PMFBP1: variants seen among roughly 807,000 people sequenced by gnomAD.
The protein encoded by PMFBP1 is polyamine modulated factor 1 binding protein 1.
PMFBP1 carries 131 observed loss-of-function variants against 137.8 expected under a neutral mutation model. That is an observed-to-expected ratio of 0.95 (90% CI 0.82 to 1.10). The LOEUF (loss-of-function observed/expected upper bound fraction) is 1.10. PMFBP1 is among the 50% of genes least tolerant of loss of function. The pLI is 0.00. For missense variants in PMFBP1, 1,199 were observed against 1,175.4 expected, an observed-to-expected ratio of 1.02 and a Z score of -0.29; for synonymous variants, 490 against 450.4, an observed-to-expected ratio of 1.09 and a Z score of -1.11.
chr16:72,245,815 A>G, the PMFBP1 span, among the ~76,000 whole-genome samples: 3 of 151,760 alleles, frequency 2.0e-5, no homozygotes, highest in Non-Finnish European at 4.4e-5. Context: ...TCTCTCTCCA[A>G]CCATTTCCTT....
At chr16:72,233,703 A>G in the PMFBP1 span, among the ~76,000 whole-genome samples, 19 of 152,120 alleles carry the variant, frequency 1.2e-4, no homozygotes, top group Non-Finnish European at 1.5e-4. Context: ...TATCACCCCT[A>G]AAGAAATCTT....
the PMFBP1 span, among the ~76,000 whole-genome samples, chr16:72,238,937 C>A: frequency 0.018 from 2,792 of 152,020 alleles, 92 homozygotes; most frequent in African/African-American, 0.064. Context: ...TAGGACAGCC[C>A]CTCCTCTGCC....
At chr16:72,182,106 G>A in the PMFBP1 span, among the ~76,000 whole-genome samples, 1 of 152,204 alleles carries the variant, frequency 6.6e-6, no homozygotes, top group African/African-American at 2.4e-5. Context: ...GCTTCTCATG[G>A]AGTCACTTTG....
the PMFBP1 span, among the ~76,000 whole-genome samples, chr16:72,246,713 G>A: frequency 1.3e-5 from 2 of 151,878 alleles, no homozygotes; most frequent in South Asian, 4.2e-4. Context: ...ATGATTGACT[G>A]GTTATTATTC....
At chr16:72,244,965 C>A in the PMFBP1 span, among the ~76,000 whole-genome samples, 2 of 152,132 alleles carry the variant, frequency 1.3e-5, no homozygotes, top group Admixed American at 6.5e-5. Context: ...GTTTTGGGCA[C>A]GCAAGAGAGC....
At chr16:72,133,079 C>T in intron 9 of PMFBP1, 88 bp from the exon 10 acceptor site, 1 of 1,501,166 alleles carries the variant, frequency 6.7e-7, no homozygotes, top group Non-Finnish European at 9.1e-7. Flanking sequence ...CTCATCCAAG[C>T]CACTGGCATC....
chr16:72,169,812 G>A (rs1485656986), intron 2 of PMFBP1, among the ~76,000 whole-genome samples: 1 of 151,984 alleles, frequency 6.6e-6, no homozygotes, highest in Non-Finnish European at 1.5e-5. Context: ...AGATAATTAT[G>A]GCTTTCTTAA....
intron 9 of PMFBP1, among the ~76,000 whole-genome samples, chr16:72,135,290 C>T (rs1438612805): frequency 6.6e-6 from 1 of 152,116 alleles, no homozygotes; most frequent in East Asian, 1.9e-4. Context: ...ATTCTCCTGC[C>T]TCAGCCTCCC....
At chr16:72,189,626 G>T in the PMFBP1 span, among the ~76,000 whole-genome samples, 1 of 152,162 alleles carries the variant, frequency 6.6e-6, no homozygotes, top group African/African-American at 2.4e-5. Flanking sequence ...GTAAGAAGAG[G>T]AAAACCAAGC....
rs191035796 is a variant in PMFBP1, at chr16:72,160,441, G to A, written c.165+4323C>T. Among the ~76,000 whole-genome samples, 453 of 152,192 alleles carry A rather than the reference G, an allele frequency of 3.0e-3. 2 individuals are homozygous for A. Among genetic ancestry groups the A allele is most frequent in the African/African-American group, 0.01 (435 of 41,526 alleles). On this transcript the variant is annotated intron_variant, in intron 3 of 20. Transcript: ENST00000237353. ...GTAATAACACTTGCCAATTCCTTAA[G>A]TACTCTTCGAAGTATGTCATCAGGC...
intron 20 of PMFBP1, 177 bp downstream of exon 20, chr16:72,119,674 G>A (rs1277112553): frequency 2.3e-5 from 33 of 1,452,300 alleles, no homozygotes; most frequent in Non-Finnish European, 3.0e-5. Flanking sequence ...AGATCAGAAG[G>A]GGTCTTAATT....
intron 5 of PMFBP1, among the ~76,000 whole-genome samples, chr16:72,144,733 C>G (rs1359360273): frequency 6.6e-6 from 1 of 151,944 alleles, no homozygotes; most frequent in African/African-American, 2.4e-5. Context: ...GACATAAAAC[C>G]TAGAATTTAT....
In PMFBP1 at chr16:72,132,836, G is replaced by A; in HGVS notation, c.1359C>T (p.Ser453=). ...GCAGGGCCTTGCACTCCGCCTCCTTGGACTTGTCCTGCTTAGCCTCCTTGA... is the reference window on the plus strand; with the variant it reads ...GCAGGGCCTTGCACTCCGCCTCCTTAGACTTGTCCTGCTTAGCCTCCTTGA... The part of the protein sequence containing the change: ...MTVKEAKQDK[S]KEAECKALQA... Residue 453 remains serine, a synonymous_variant, in exon 10 of 21, where the codon TCC becomes TCT. Transcript: ENST00000237353. 1 of 1,614,186 alleles carries A rather than the reference G, an allele frequency of 6.2e-7. No homozygotes were observed. Among genetic ancestry groups the A allele is most frequent in the Non-Finnish European group, 8.5e-7 (1 of 1,180,036 alleles).
chr16:72,119,798 A>G (rs752561420), intron 20 of PMFBP1, 53 bp downstream of exon 20: 1 of 1,593,130 alleles, frequency 6.3e-7, no homozygotes, highest in Non-Finnish European at 8.6e-7. Flanking sequence ...TTCTCAATCC[A>G]GTGATTTAAA....
chr16:72,150,614 C>G lies in PMFBP1; in HGVS notation c.630G>C (p.Met210Ile). 3 of 1,612,740 alleles carry G rather than the reference C, an allele frequency of 1.9e-6. No homozygotes were observed. The highest frequency in any genetic ancestry group is 2.5e-6 in the Non-Finnish European group (3 of 1,179,986). Residue 210 changes from methionine to isoleucine, a missense_variant, in exon 5 of 21, where the codon ATG (methionine) becomes ATC (isoleucine). Coordinates refer to ENST00000237353, the MANE Select transcript of PMFBP1 (RefSeq NM_031293.3). Reference protein sequence around the residue: ...KMLQGELGGIMGQEPENKGDH... With the variant: ...KMLQGELGGIIGQEPENKGDH... Reference sequence around the variant, plus strand: ...GGCCTGACTTAAGTCCTACCTGACCCATGATCCCGCCGAGTTCCCCCTGCA... The same window carrying G: ...GGCCTGACTTAAGTCCTACCTGACCGATGATCCCGCCGAGTTCCCCCTGCA...
At chr16:72,173,953 G>A (rs1326411890), upstream of PMFBP1, 2 of 152,204 alleles carry the variant, frequency 1.3e-5, no homozygotes, top group African/African-American at 2.4e-5. Context: ...CGTCTCTGTT[G>A]AGACCTTCAT....
rs531201874 is a variant in PMFBP1 at position 72,161,589 on chromosome 16, G to C, written c.165+3175C>G. On this transcript the variant is annotated intron_variant, in intron 3 of 20. Transcript: ENST00000237353. The stretch of plus-strand genomic sequence containing the variant: ...AAAAAAGTATTTTAGAATAATTTTT[G>C]ATTTACAGAAAAATTGCAAAAGTAG... 5.3e-4 allele frequency among the ~76,000 whole-genome samples: 80 copies of C among 152,060 alleles called. 1 individual carries two copies. Among genetic ancestry groups the C allele is most frequent in the African/African-American group, 1.9e-3 (78 of 41,494 alleles).
At chr16:72,145,947 G>T (rs936473975) in intron 5 of PMFBP1, among the ~76,000 whole-genome samples, 1 of 152,044 alleles carries the variant, frequency 6.6e-6, no homozygotes, top group African/African-American at 2.4e-5. Flanking sequence ...TTCTACAAGA[G>T]GTACAAAGAG....
chr16:72,227,037 C>G, the PMFBP1 span, among the ~76,000 whole-genome samples: 2 of 151,852 alleles, frequency 1.3e-5, no homozygotes, highest in Non-Finnish European at 2.9e-5. Context: ...TGTAACTAAA[C>G]CAAGAAGAAT....
Sources: gnomAD v4.1 joint callset for allele counts (sites outside exome capture counted in the v4.1 genomes callset) on GRCh38, gnomAD v4.1.1 for gene constraint, MANE v1.5 for transcripts, NCBI Gene and HGNC (gene_info 2026-07-23, HGNC 2026-07-21) for gene names.